Variants in GAB1 observed in about 807,000 individuals in gnomAD.
GAB1 encodes GRB2-associated-binding protein 1.
A neutral mutation model predicts 66.5 loss-of-function variants in GAB1; 19 were observed. The observed-to-expected ratio is 0.29, with a 90% confidence interval of 0.20 to 0.42. GAB1 has a LOEUF of 0.42. Among genes scored for constraint, GAB1 ranks in the 10% least tolerant of loss-of-function variants. GAB1 has a pLI of 1.00. For missense variants in GAB1, 732 were observed against 858.5 expected (o/e 0.85, Z 1.84); for synonymous variants, 294 against 301.4 (o/e 0.98, Z 0.25).
At chr4:143,440,446 C>A in intron 6 of GAB1, 64 bp downstream of exon 6, 1 of 1,397,654 alleles carries the variant, frequency 7.2e-7, no homozygotes, top group South Asian at 1.4e-5. Flanking sequence ...CTTTAACTGC[C>A]ATTAAATCCA....
Position 143,433,636 on chromosome 4 carries a change from G to A in GAB1, c.513G>A (p.Leu171=), listed in dbSNP as rs1313363065. 6.2e-7 allele frequency: 1 copy of A among 1,613,748 alleles called. No individual in the cohort carries two copies. The highest frequency in any genetic ancestry group is 1.3e-5 in the African/African-American group (1 of 74,874). Reference sequence around the variant, plus strand: ...AGCTAATCAATGTTCCACCACACCTGGAAACTCTTGGCATTCAGGAGGATC... The same window carrying A: ...AGCTAATCAATGTTCCACCACACCTAGAAACTCTTGGCATTCAGGAGGATC... The part of the protein sequence containing the change: ...PYQLINVPPH[L]ETLGIQEDPQ... The change falls in exon 3 of 10, where the codon CTG becomes CTA. Residue 171 remains leucine (L), a synonymous_variant. Transcript: ENST00000262994.
chr4:143,401,997 T>C (rs1161065150), intron 1 of GAB1, among the ~76,000 whole-genome samples: 1 of 152,140 alleles, frequency 6.6e-6, no homozygotes, highest in South Asian at 2.1e-4. Context: ...CACAGTACTT[T>C]AAGAGGCACA....
chr4:143,337,944 A>T (rs1283540801), intron 1 of GAB1, among the ~76,000 whole-genome samples: 1 of 151,006 alleles, frequency 6.6e-6, no homozygotes, highest in Non-Finnish European at 1.5e-5. Flanking sequence ...GCTGGGGGGG[A>T]GCCTAGTGGC....
At chr4:143,417,495 C>T (rs1216218931) in intron 2 of GAB1, 3 of 362,112 alleles carry the variant, frequency 8.3e-6, no homozygotes, top group Non-Finnish European at 1.7e-5. Context: ...GCAACCTCTG[C>T]CTCCCAGGTT....
chr4:143,442,079 T>C (rs1177444009), intron 6 of GAB1, among the ~76,000 whole-genome samples: 1 of 152,238 alleles, frequency 6.6e-6, no homozygotes, highest in Non-Finnish European at 1.5e-5. Context: ...TTTAGACAAC[T>C]ACTAGTCATT....
At chr4:143,420,373 G>A (rs1335716992) in intron 2 of GAB1, among the ~76,000 whole-genome samples, 1 of 152,000 alleles carries the variant, frequency 6.6e-6, no homozygotes, top group Non-Finnish European at 1.5e-5. Context: ...AAAGGAAAAG[G>A]GAAAAATCTG....
At position 143,440,366 on chromosome 4, in the gene GAB1, C is replaced by A; in HGVS notation, c.1569C>A (p.Leu523=). 2 of 1,610,586 alleles carry A rather than the reference C, an allele frequency of 1.2e-6. No individual in the cohort carries two copies. The highest frequency in any genetic ancestry group is 4.5e-5 in the East Asian group (2 of 44,820). The change falls in exon 6 of 10, where the codon CTC becomes CTA. Residue 523 remains leucine, a synonymous_variant. Coordinates refer to ENST00000262994, the MANE Select transcript of GAB1 (RefSeq NM_002039.4). The part of the protein sequence containing the change: ...DCEPPPVDRN[L]KPDRKVKPAP... ...AACCACCCCCCGTGGATAGGAACCTCAAGCCAGACAGAAAAGGTAAGGAGA... is the reference window on the plus strand; with the variant it reads ...AACCACCCCCCGTGGATAGGAACCTAAAGCCAGACAGAAAAGGTAAGGAGA...
In GAB1 at chr4:143,471,043, A is replaced by G. The variant is rs1217889039; in HGVS notation, c.*1854A>G. ...AAATCTAAAATCCTGAAATGTGCCT[A>G]AACTATCAAAACACACGATACAGCT... On this transcript the variant is annotated 3_prime_UTR_variant, in exon 10 of 10. Coordinates refer to ENST00000262994, the MANE Select transcript of GAB1 (RefSeq NM_002039.4). 3 of 152,228 alleles carry G rather than the reference A, an allele frequency of 2.0e-5. No individual in the cohort carries two copies. The highest frequency in any genetic ancestry group is 4.4e-5 in the Non-Finnish European group (3 of 68,048). 9.4% of individuals were successfully genotyped at this position (152,228 alleles called of 1,614,324 possible).
intron 6 of GAB1, among the ~76,000 whole-genome samples, chr4:143,447,697 T>C (rs1314272197): frequency 6.6e-6 from 1 of 152,190 alleles, no homozygotes; most frequent in East Asian, 1.9e-4. Context: ...GCTGAGACAA[T>C]GGGGTTTTCT....
At chr4:143,349,767 G>A (rs545003888) in intron 1 of GAB1, 32 of 1,589,944 alleles carry the variant, frequency 2.0e-5, no homozygotes, top group African/African-American at 1.2e-4. Context: ...TGTAGTCCCC[G>A]ATAGCAACGA....
chr4:143,438,667 G>A (rs2149755915), intron 4 of GAB1, 67 bp downstream of exon 4: 1 of 1,498,558 alleles, frequency 6.7e-7, no homozygotes, highest in Non-Finnish European at 9.0e-7. Context: ...CTGAATATTT[G>A]TTCTTTTAAG....
chr4:143,382,624 G>A (rs1730704094), intron 1 of GAB1, among the ~76,000 whole-genome samples: 1 of 152,194 alleles, frequency 6.6e-6, no homozygotes, highest in African/African-American at 2.4e-5. Context: ...AAGTGAAAGA[G>A]CTTGGTTAGT....
rs368426312 is a variant in GAB1, at chr4:143,438,608, C to G, written c.1195+8C>G. 2 of 1,608,558 alleles carry G rather than the reference C, an allele frequency of 1.2e-6. No individual in the cohort carries two copies. Among genetic ancestry groups the G allele is most frequent in the Non-Finnish European group, 8.5e-7 (1 of 1,177,364 alleles). On this transcript the variant is annotated splice_region_variant and intron_variant, in intron 4 of 9. Transcript: ENST00000262994. ...TAAACAAATTGCGAAAAGGTCAGCTCTAGTTGACTTCTTCTCTATTAGAGG... is the reference window on the plus strand; with the variant it reads ...TAAACAAATTGCGAAAAGGTCAGCTGTAGTTGACTTCTTCTCTATTAGAGG...
chr4:143,403,174 G>A (rs1731862305), intron 1 of GAB1, among the ~76,000 whole-genome samples: 1 of 151,738 alleles, frequency 6.6e-6, no homozygotes, highest in South Asian at 2.1e-4. Context: ...TTTATGAACT[G>A]GTAACAATTT....
chr4:143,432,823 G>T (rs2149745608), intron 2 of GAB1, among the ~76,000 whole-genome samples: 1 of 152,232 alleles, frequency 6.6e-6, no homozygotes, highest in East Asian at 1.9e-4. Flanking sequence ...ACATAGTTAA[G>T]GGAATAATAA....
intron 1 of GAB1, among the ~76,000 whole-genome samples, chr4:143,387,455 C>T (rs1474161582): frequency 6.6e-6 from 1 of 152,144 alleles, no homozygotes; most frequent in Admixed American, 6.5e-5. Flanking sequence ...AAGCAATGTT[C>T]AGGGACAGAT....
intron 6 of GAB1, among the ~76,000 whole-genome samples, chr4:143,441,861 C>T (rs1300754026): frequency 6.6e-6 from 1 of 152,190 alleles, no homozygotes; most frequent in African/African-American, 2.4e-5. Flanking sequence ...TCTGCATCAG[C>T]TTCTCATTGC....
At chr4:143,383,653 T>G (rs1022465821) in intron 1 of GAB1, among the ~76,000 whole-genome samples, 3 of 151,910 alleles carry the variant, frequency 2.0e-5, no homozygotes, top group Non-Finnish European at 1.5e-5. Context: ...GTTTTGAAAC[T>G]GGCTTTTTTA....
intron 1 of GAB1, among the ~76,000 whole-genome samples, chr4:143,341,572 C>T (rs188071275): frequency 6.6e-6 from 1 of 152,340 alleles, no homozygotes; most frequent in African/African-American, 2.4e-5. Flanking sequence ...TGTTAGCTGA[C>T]AGCCAGCCTG....
Sources: gnomAD v4.1 joint callset for allele counts (sites outside exome capture counted in the v4.1 genomes callset) on GRCh38, gnomAD v4.1.1 for gene constraint, MANE v1.5 for transcripts, NCBI Gene and HGNC (gene_info 2026-07-23, HGNC 2026-07-21) for gene names.